COTL1: variants seen among roughly 807,000 people sequenced by gnomAD.
COTL1 encodes coactosin-like protein.
COTL1 carries 15 observed loss-of-function variants against 16.5 expected under a neutral mutation model. That is an observed-to-expected ratio of 0.91 (90% CI 0.61 to 1.40). The LOEUF (loss-of-function observed/expected upper bound fraction) is 1.40. COTL1 is among the 40% of genes most tolerant of loss of function. The pLI, the probability that COTL1 is intolerant of heterozygous loss-of-function variation, is 0.00. For missense variants in COTL1, 220 were observed against 201.5 expected (o/e 1.09, Z -0.56); for synonymous variants, 112 against 85.3 (o/e 1.31, Z -1.73).
chr16:84,615,853 T>TTGTGTGTTTG (rs1905463957), intron 2 of COTL1, among the ~76,000 whole-genome samples: 1 of 149,702 alleles, frequency 6.7e-6, no homozygotes, highest in Non-Finnish European at 1.5e-5. Flanking sequence ...AATTTTAGTT[T>TTGTGTGTTTG]TGTGTGTGTG....
chr16:84,574,358 G>A (rs1904404192), intron 3 of COTL1, among the ~76,000 whole-genome samples: 1 of 152,206 alleles, frequency 6.6e-6, no homozygotes, highest in African/African-American at 2.4e-5. Context: ...AGACTGCACA[G>A]CAACATGTGT....
chr16:84,612,393 C>A (rs1905350608), intron 2 of COTL1, among the ~76,000 whole-genome samples: 1 of 152,230 alleles, frequency 6.6e-6, no homozygotes, highest in African/African-American at 2.4e-5. Context: ...TGCATACCAG[C>A]CTGGGCCAGG....
At chr16:84,569,745 C>A (rs1395971360) in intron 3 of COTL1, among the ~76,000 whole-genome samples, 7 of 152,128 alleles carry the variant, frequency 4.6e-5, no homozygotes, top group African/African-American at 1.7e-4. Flanking sequence ...TGAAAGAACA[C>A]AAGTTGGATG....
chr16:84,603,853 G>C (rs2150693805), intron 2 of COTL1, among the ~76,000 whole-genome samples: 1 of 152,036 alleles, frequency 6.6e-6, no homozygotes, highest in South Asian at 2.1e-4. Context: ...TGAAACAAAA[G>C]TGATCAGAAT....
rs138887947 is a variant in COTL1, at chr16:84,608,270, A to G, written c.160+9231T>C. ...TCAAAAAGTTTGCATTAACTTCTGAATATTTTCAAGGGACAAAAACCCAAT... is the reference window on the plus strand; with the variant it reads ...TCAAAAAGTTTGCATTAACTTCTGAGTATTTTCAAGGGACAAAAACCCAAT... On this transcript the variant is annotated intron_variant, in intron 2 of 3. Transcript: ENST00000262428. 8.5e-3 allele frequency among the ~76,000 whole-genome samples: 1,302 copies of G among 152,338 alleles called. 40 individuals are homozygous for G. The highest frequency in any genetic ancestry group is 0.072 in the Admixed American group (1,106 of 15,306).
intron 2 of COTL1, among the ~76,000 whole-genome samples, chr16:84,609,136 T>C (rs1002582826): frequency 6.6e-6 from 1 of 152,166 alleles, no homozygotes; most frequent in Non-Finnish European, 1.5e-5. Context: ...GGTGTGTATG[T>C]TCAGCTAGGG....
chr16:84,572,902 A>G (rs11646055), intron 3 of COTL1, among the ~76,000 whole-genome samples: 1 of 143,726 alleles, frequency 7.0e-6, no homozygotes, highest in Non-Finnish European at 1.5e-5. Context: ...ACAGGTACAC[A>G]CCACCATGCC....
chr16:84,573,764 T>TATAC (rs1904387091), intron 3 of COTL1, among the ~76,000 whole-genome samples: 2 of 80,040 alleles, frequency 2.5e-5, no homozygotes, highest in African/African-American at 8.5e-5. Flanking sequence ...TATATATATA[T>TATAC]ACATACACAC....
At chr16:84,614,854 C>T (rs1905430577) in intron 2 of COTL1, among the ~76,000 whole-genome samples, 1 of 152,196 alleles carries the variant, frequency 6.6e-6, no homozygotes, top group African/African-American at 2.4e-5. Context: ...AGAATCTAAA[C>T]AACCTCCTCA....
Position 84,566,907 on chromosome 16 carries a change from C to A in COTL1, c.367G>T (p.Asp123Tyr). 2 of 1,614,130 alleles carry A rather than the reference C, an allele frequency of 1.2e-6. No individual in the cohort carries two copies. Among genetic ancestry groups the A allele is most frequent in the Non-Finnish European group, 1.7e-6 (2 of 1,179,982 alleles). The change falls in exon 4 of 4, where the codon GAT becomes TAT. Residue 123 changes from aspartate to tyrosine, a missense_variant. Asp to Tyr is a radical substitution (Grantham distance 160). Coordinates refer to ENST00000262428, the MANE Select transcript of COTL1 (RefSeq NM_021149.5). ...TTCTTCAGCTCGCTCTTGATGAAAT[C>A]TTCCTCCAGCTCCTTCCGATCACTG... ...VISDRKELEE[D>Y]FIKSELKKAG...
intron 2 of COTL1, among the ~76,000 whole-genome samples, chr16:84,601,676 G>A (rs914519308): frequency 2.6e-5 from 4 of 152,256 alleles, no homozygotes; most frequent in Admixed American, 6.5e-5. Context: ...GGCTGGTCTC[G>A]AACTCTTGAC....
intron 3 of COTL1, chr16:84,576,899 G>A (rs940367888): frequency 6.6e-6 from 1 of 152,262 alleles, no homozygotes; most frequent in African/African-American, 2.4e-5. Flanking sequence ...GCATAAGATG[G>A]AGCCGGGGAT....
intron 2 of COTL1, among the ~76,000 whole-genome samples, 176 bp downstream of exon 2, chr16:84,617,325 G>A (rs1253361176): frequency 6.6e-6 from 1 of 152,190 alleles, no homozygotes; most frequent in Non-Finnish European, 1.5e-5. Flanking sequence ...CGGATGTCCA[G>A]AGGGGAGAAG....
At chr16:84,605,393 C>T (rs1012289849) in intron 2 of COTL1, among the ~76,000 whole-genome samples, 5 of 152,188 alleles carry the variant, frequency 3.3e-5, no homozygotes, top group African/African-American at 1.2e-4. Flanking sequence ...CAAGTGACTG[C>T]GGCAGGCAAA....
intron 3 of COTL1, among the ~76,000 whole-genome samples, chr16:84,571,794 C>G (rs1904341107): frequency 6.6e-6 from 1 of 152,192 alleles, no homozygotes; most frequent in Non-Finnish European, 1.5e-5. Flanking sequence ...TCCCTTGCAG[C>G]CAGAGCTGGA....
intron 2 of COTL1, among the ~76,000 whole-genome samples, chr16:84,601,463 C>G (rs1905104410): frequency 6.6e-6 from 1 of 152,034 alleles, no homozygotes; most frequent in African/African-American, 2.4e-5. Flanking sequence ...GGGTCTTTTT[C>G]TTTTATCCCC....
At chr16:84,604,350 T>G (rs1369761756) in intron 2 of COTL1, among the ~76,000 whole-genome samples, 1 of 113,750 alleles carries the variant, frequency 8.8e-6, no homozygotes, top group African/African-American at 3.4e-5. Flanking sequence ...ATGGCCCTAC[T>G]AGGTTCCTGT....
At chr16:84,576,317 T>C (rs1296603922) in intron 3 of COTL1, 1 of 152,206 alleles carries the variant, frequency 6.6e-6, no homozygotes. Context: ...GGAGAAAACA[T>C]GAGTGGGGAT....
intron 3 of COTL1, among the ~76,000 whole-genome samples, chr16:84,587,857 C>T (rs1010012353): frequency 1.3e-5 from 2 of 151,906 alleles, no homozygotes; most frequent in East Asian, 1.9e-4. Flanking sequence ...CTGCAACTTC[C>T]GCCTCCTGGT....
Sources: allele counts gnomAD v4.1 joint callset (sites outside exome capture counted in the v4.1 genomes callset), GRCh38; gene constraint gnomAD v4.1.1; transcripts MANE v1.5; gene names NCBI Gene and HGNC (gene_info 2026-07-23, HGNC 2026-07-21).